Variants in CIMIP4 observed in about 807,000 individuals in gnomAD.
CIMIP4 encodes the protein protein EAN57.
At chr22:36,991,392 G>A in the CIMIP4 span, 10 of 1,559,400 alleles carry the variant, frequency 6.4e-6, no homozygotes, top group East Asian at 2.2e-4. Flanking sequence ...TCTGTCTCCT[G>A]CTCTGGTTTC....
chr22:37,000,451 C>T, the CIMIP4 span, among the ~76,000 whole-genome samples: 1 of 152,196 alleles, frequency 6.6e-6, no homozygotes, highest in Non-Finnish European at 1.5e-5. Flanking sequence ...CCAACTCCCT[C>T]TTCATACCAA....
At chr22:36,991,533 C>T in the CIMIP4 span, 1 of 1,614,178 alleles carries the variant, frequency 6.2e-7, no homozygotes, top group Non-Finnish European at 8.5e-7. Flanking sequence ...TCACTGATTT[C>T]TCAATGACCT....
At chr22:37,002,131 C>G in the CIMIP4 span, 2 of 1,552,058 alleles carry the variant, frequency 1.3e-6, no homozygotes, top group South Asian at 2.4e-5. Context: ...TCAAGTGGCA[C>G]TGCCCTAGGG....
chr22:36,994,490 T>G, the CIMIP4 span, among the ~76,000 whole-genome samples: 1 of 152,050 alleles, frequency 6.6e-6, no homozygotes. Context: ...CACGCCTAGC[T>G]AATTTTTGTA....
the CIMIP4 span, among the ~76,000 whole-genome samples, chr22:36,999,563 G>C: frequency 3.2e-5 from 1 of 30,900 alleles, no homozygotes; most frequent in Non-Finnish European, 5.8e-5. Flanking sequence ...AAGGGGAGGG[G>C]AGGGGGGAGG....
the CIMIP4 span, among the ~76,000 whole-genome samples, chr22:36,993,383 T>G: frequency 6.6e-6 from 1 of 151,994 alleles, no homozygotes; most frequent in Non-Finnish European, 1.5e-5. Context: ...AATTTGTTAA[T>G]TACGCATATA....
chr22:37,003,103 C>T, the CIMIP4 span, among the ~76,000 whole-genome samples: 3 of 152,242 alleles, frequency 2.0e-5, no homozygotes, highest in African/African-American at 7.2e-5. Flanking sequence ...AAGGGCTGGG[C>T]ATCTTGGCCG....
chr22:36,998,934 G>A, the CIMIP4 span, among the ~76,000 whole-genome samples: 1 of 152,130 alleles, frequency 6.6e-6, no homozygotes, highest in Non-Finnish European at 1.5e-5. Flanking sequence ...GACCCAGCAA[G>A]GGCCATACTC....
At chr22:36,992,487 A>G in the CIMIP4 span, among the ~76,000 whole-genome samples, 9 of 152,220 alleles carry the variant, frequency 5.9e-5, no homozygotes, top group African/African-American at 2.2e-4. Flanking sequence ...TTCAGAAATG[A>G]AACACATAAT....
chr22:36,999,529 AG>A, the CIMIP4 span, among the ~76,000 whole-genome samples: 1 of 25,378 alleles, frequency 3.9e-5, no homozygotes, highest in East Asian at 1.4e-3. Context: ...AGGGGAGGGG[AG>A]GGGAGGGGAG....
chr22:37,001,939 G>A, the CIMIP4 span: 1 of 1,613,692 alleles, frequency 6.2e-7, no homozygotes, highest in Non-Finnish European at 8.5e-7. Context: ...TGCTCCTCTG[G>A]TCCTGAGCCC....
chr22:37,001,946 G>A, the CIMIP4 span: 3 of 1,613,724 alleles, frequency 1.9e-6, no homozygotes, highest in Non-Finnish European at 2.5e-6. Context: ...CTGGTCCTGA[G>A]CCCCCAAGCT....
chr22:36,999,250 A>G, the CIMIP4 span, among the ~76,000 whole-genome samples: 2 of 149,200 alleles, frequency 1.3e-5, no homozygotes, highest in Admixed American at 6.7e-5. Flanking sequence ...TGAGCCCAGG[A>G]GTTTGAGACC....
the CIMIP4 span, chr22:37,004,021 T>TAGTCCTGTAAAC: frequency 1.4e-5 from 21 of 1,547,014 alleles, no homozygotes; most frequent in Admixed American, 4.2e-4. Context: ...ATTCCAAGCT[T>TAGTCCTGTAAAC]AGTCCTGTAA....
the CIMIP4 span, chr22:36,999,800 CA>C: frequency 1.3e-6 from 2 of 1,591,338 alleles, no homozygotes; most frequent in Non-Finnish European, 1.7e-6. Flanking sequence ...CCTGGGAGAC[CA>C]TGGGTGTTCA....
chr22:37,006,137 G>A, the CIMIP4 span, among the ~76,000 whole-genome samples: 2 of 152,180 alleles, frequency 1.3e-5, no homozygotes, highest in Admixed American at 6.5e-5. Context: ...TTTGTTCAAT[G>A]GAGTGAACCC....
chr22:36,994,093 T>C, the CIMIP4 span, among the ~76,000 whole-genome samples: 3 of 152,164 alleles, frequency 2.0e-5, no homozygotes, highest in Non-Finnish European at 4.4e-5. Context: ...GATTCTGAAC[T>C]TGCTACATTG....
chr22:36,997,437 AG>A, the CIMIP4 span, among the ~76,000 whole-genome samples: 2 of 152,194 alleles, frequency 1.3e-5, no homozygotes, highest in Admixed American at 1.3e-4. Context: ...TCTATTCATT[AG>A]CATATTCTTT....
At chr22:37,003,130 A>G in the CIMIP4 span, among the ~76,000 whole-genome samples, 1 of 152,230 alleles carries the variant, frequency 6.6e-6, no homozygotes, top group Non-Finnish European at 1.5e-5. Context: ...CTCTGAGCCC[A>G]AGCTAAACCA....
Sources: allele counts gnomAD v4.1 joint callset (sites outside exome capture counted in the v4.1 genomes callset), GRCh38; gene constraint gnomAD v4.1.1; transcripts MANE v1.5; gene names NCBI Gene and HGNC (gene_info 2026-07-23, HGNC 2026-07-21).